EXOC4: variants seen among roughly 807,000 people sequenced by gnomAD.
EXOC4 encodes the protein SEC8-like 1.
EXOC4 carries 71 observed loss-of-function variants against 107.2 expected under a neutral mutation model. That is an observed-to-expected ratio of 0.66 (90% confidence interval 0.55 to 0.81). The LOEUF (loss-of-function observed/expected upper bound fraction) is 0.81. Among genes scored for constraint, EXOC4 ranks in the 30% least tolerant of loss-of-function variants. The pLI, the probability that EXOC4 is intolerant of heterozygous loss-of-function variation, is 0.00. For synonymous variants in EXOC4, 456 were observed against 441.2 expected (o/e 1.03, Z -0.42); for missense variants, 1,108 against 1,189.6 (o/e 0.93, Z 1.01).
At chr7:133,261,163 T>C (rs1286776462) in intron 1 of EXOC4, among the ~76,000 whole-genome samples, 3 of 152,152 alleles carry the variant, frequency 2.0e-5, no homozygotes, top group Non-Finnish European at 4.4e-5. Flanking sequence ...ATAGGTATTA[T>C]AACAGTTTTA....
chr7:133,288,365 A>G (rs937306493), intron 2 of EXOC4, among the ~76,000 whole-genome samples: 6 of 152,160 alleles, frequency 3.9e-5, no homozygotes, highest in Non-Finnish European at 4.4e-5. Context: ...ATGCAAGGCA[A>G]AAAAGCCTTG....
At chr7:133,807,148 A>T (rs1797097306) in intron 10 of EXOC4, among the ~76,000 whole-genome samples, 1 of 152,178 alleles carries the variant, frequency 6.6e-6, no homozygotes, top group African/African-American at 2.4e-5. Context: ...ACAGACCCAG[A>T]TGGTCTTGGA....
At chr7:133,849,642 A>G (rs77979157) in intron 11 of EXOC4, among the ~76,000 whole-genome samples, 5,879 of 152,254 alleles carry the variant, frequency 0.039, 384 homozygotes, top group African/African-American at 0.13. Context: ...GCACATCACT[A>G]TTCTTATCAC....
In EXOC4 at chr7:133,604,706, C is replaced by CTTTTTTTTTTTTTTTTTTTTT. The variant is rs1554477961; in HGVS notation, c.1418-25336_1418-25335insTTTTTTTTTTTTTTTTTTTTT. The stretch of plus-strand genomic sequence containing the variant: ...TTTTTCTTTCCTTCCTTCCTTCCTT[C>CTTTTTTTTTTTTTTTTTTTTT]TTTCTTTTTTTTTTTTTTTTTTTTT... On this transcript the variant is annotated intron_variant, in intron 9 of 17. Transcript: ENST00000253861. Among the ~76,000 whole-genome samples the CTTTTTTTTTTTTTTTTTTTTT allele has an allele frequency of 1.1e-3, 96 of 87,532 alleles. 18 individuals carry two copies. Among genetic ancestry groups the CTTTTTTTTTTTTTTTTTTTTT allele is most frequent in the Middle Eastern group, 7.2e-3 (1 of 138 alleles). The allele number at this position is 87,532 out of a possible 152,430, so 57.4% of individuals were successfully genotyped here. A position where few individuals can be genotyped will look rare whatever the true frequency, so the allele number is the denominator to read the frequency against.
At chr7:133,751,722 A>G (rs533298493) in intron 10 of EXOC4, among the ~76,000 whole-genome samples, 1 of 152,280 alleles carries the variant, frequency 6.6e-6, no homozygotes, top group South Asian at 2.1e-4. Flanking sequence ...AAACTGTGAA[A>G]CAGTTACATC....
intron 7 of EXOC4, among the ~76,000 whole-genome samples, chr7:133,429,809 A>T (rs186163546): frequency 1.7e-4 from 26 of 152,352 alleles, no homozygotes; most frequent in Admixed American, 5.9e-4. Context: ...CTTAATCATG[A>T]GACAGGAGAA....
intron 11 of EXOC4, among the ~76,000 whole-genome samples, chr7:133,819,049 G>A (rs1797443883): frequency 6.6e-6 from 1 of 152,056 alleles, no homozygotes; most frequent in African/African-American, 2.4e-5. Context: ...GGCTGTGAGT[G>A]CCTCCCTCCA....
At chr7:134,050,332 C>T (rs962274725) in intron 17 of EXOC4, among the ~76,000 whole-genome samples, 1 of 152,142 alleles carries the variant, frequency 6.6e-6, no homozygotes, top group Non-Finnish European at 1.5e-5. Context: ...GTCTTCTTAA[C>T]AATTCTATGA....
intron 10 of EXOC4, among the ~76,000 whole-genome samples, chr7:133,676,024 C>A (rs1794049308): frequency 1.3e-5 from 2 of 151,980 alleles, no homozygotes. Flanking sequence ...CATGAGCTGA[C>A]AGTTTTGAAG....
At chr7:133,942,839 T>C (rs922894695) in intron 14 of EXOC4, among the ~76,000 whole-genome samples, 3 of 152,206 alleles carry the variant, frequency 2.0e-5, no homozygotes, top group African/African-American at 7.2e-5. Context: ...CCTAAATATA[T>C]GGAATTATTG....
intron 17 of EXOC4, among the ~76,000 whole-genome samples, chr7:134,063,797 TATTA>T (rs1160521254): frequency 1.3e-5 from 2 of 152,324 alleles, no homozygotes; most frequent in Admixed American, 6.5e-5. Context: ...GCTTTATACG[TATTA>T]ATTAATTCAA....
chr7:133,478,965 A>G (rs918110156), intron 8 of EXOC4: 29 of 152,176 alleles, frequency 1.9e-4, no homozygotes, highest in African/African-American at 6.0e-4. Flanking sequence ...TGTTTCCCTC[A>G]CAGACTGACA....
At chr7:133,604,710 CTTTTTTTTTTTTTTTTT>C (rs61548710) in intron 9 of EXOC4, among the ~76,000 whole-genome samples, 8 of 50,220 alleles carry the variant, frequency 1.6e-4, no homozygotes, top group African/African-American at 5.5e-4. Context: ...TTCCTTCTTT[CTTTTTTTTTTTTTTTTT>C]TTTTTTTTTT....
At chr7:133,695,718 A>G (rs934592292) in intron 10 of EXOC4, among the ~76,000 whole-genome samples, 1 of 152,166 alleles carries the variant, frequency 6.6e-6, no homozygotes, top group African/African-American at 2.4e-5. Context: ...GCAGTGATAT[A>G]GAGATAGCAC....
chr7:133,434,777 G>A (rs2150780946), intron 7 of EXOC4, among the ~76,000 whole-genome samples: 1 of 152,290 alleles, frequency 6.6e-6, no homozygotes. Flanking sequence ...GGATTGTGCT[G>A]TCATAATAGA....
intron 14 of EXOC4, among the ~76,000 whole-genome samples, chr7:133,959,099 A>G (rs988207313): frequency 1.1e-4 from 16 of 152,292 alleles, no homozygotes; most frequent in Admixed American, 6.5e-4. Context: ...AAAGACAACT[A>G]CAATGCATCA....
chr7:133,656,757 C>T (rs1213746062), intron 10 of EXOC4, among the ~76,000 whole-genome samples: 2 of 152,080 alleles, frequency 1.3e-5, no homozygotes, highest in Non-Finnish European at 2.9e-5. Context: ...ATGATTTGTG[C>T]CAGTACACTA....
intron 14 of EXOC4, among the ~76,000 whole-genome samples, chr7:133,943,658 C>T (rs765799664): frequency 1.3e-5 from 2 of 152,116 alleles, no homozygotes; most frequent in Non-Finnish European, 2.9e-5. Flanking sequence ...CCATCAGGCT[C>T]AGGGCAGATG....
At chr7:133,888,707 A>G (rs1227912912) in intron 11 of EXOC4, among the ~76,000 whole-genome samples, 1 of 152,190 alleles carries the variant, frequency 6.6e-6, no homozygotes, top group African/African-American at 2.4e-5. Flanking sequence ...TGGTGACAGC[A>G]ATATGAAACA....
Sources: gnomAD v4.1 joint callset for allele counts (sites outside exome capture counted in the v4.1 genomes callset) on GRCh38, gnomAD v4.1.1 for gene constraint, MANE v1.5 for transcripts, NCBI Gene and HGNC (gene_info 2026-07-23, HGNC 2026-07-21) for gene names.